Variants in TNRC6B observed in about 807,000 individuals in gnomAD.
The protein encoded by TNRC6B is trinucleotide repeat containing adaptor 6B.
In TNRC6B, 52 loss-of-function variants were observed where a neutral mutation model predicts 203.6. The ratio of observed to expected loss-of-function variants is 0.26; its 90% CI spans 0.20 to 0.32. The LOEUF (loss-of-function observed/expected upper bound fraction) is 0.32, where lower values mean the gene tolerates loss of function less well. TNRC6B is among the 10% of genes least tolerant of loss of function. TNRC6B has a pLI of 1.00. For missense variants in TNRC6B, 1,923 were observed against 2,286.2 expected (o/e 0.84, Z 3.24); for synonymous variants, 838 against 845.7 (o/e 0.99, Z 0.16).
At chr22:40,217,601 G>C (rs2069652187) in intron 1 of TNRC6B, among the ~76,000 whole-genome samples, 1 of 152,186 alleles carries the variant, frequency 6.6e-6, no homozygotes, top group Non-Finnish European at 1.5e-5. Context: ...TTAAAAAGTA[G>C]ACTATGCAGA....
rs2043995546 is a variant in TNRC6B at position 40,332,672 on chromosome 22, A to C, written c.*9431A>C. ...CTGTTAGATTGCCTTTAAACAAAAA[A>C]AACAACAAAAAAATAAAATCCTGAC... On this transcript the variant is annotated 3_prime_UTR_variant, in exon 23 of 23. Coordinates refer to ENST00000454349, the MANE Select transcript of TNRC6B (RefSeq NM_001162501.2). The C allele has an allele frequency of 6.6e-6, 1 of 152,536 alleles. No individual in the cohort carries two copies. Among genetic ancestry groups the C allele is most frequent in the Admixed American group, 6.5e-5 (1 of 15,282 alleles). The allele number at this position is 152,536 out of a possible 1,614,324, so 9.4% of individuals were successfully genotyped here.
At chr22:40,238,126 A>G (rs962237547) in intron 1 of TNRC6B, among the ~76,000 whole-genome samples, 1 of 152,108 alleles carries the variant, frequency 6.6e-6, no homozygotes, top group African/African-American at 2.4e-5. Flanking sequence ...TGGAGGCCCT[A>G]CTGTGTTTCT....
At chr22:40,226,908 A>AGTTTTT (rs891819823) in intron 1 of TNRC6B, among the ~76,000 whole-genome samples, 1 of 151,478 alleles carries the variant, frequency 6.6e-6, no homozygotes, top group Admixed American at 6.6e-5. Context: ...TAGAACCACT[A>AGTTTTT]GTTTTTGTTT....
chr22:40,246,334 T>C (rs5757891), intron 2 of TNRC6B: 278,257 of 278,282 alleles, frequency 1, 139,116 homozygotes, highest in Middle Eastern at 1. Context: ...GGATTACAGG[T>C]GCACGCCACC....
chr22:40,214,549 G>GTTTT (rs71735740), intron 1 of TNRC6B, among the ~76,000 whole-genome samples: 117 of 148,264 alleles, frequency 7.9e-4, no homozygotes, highest in African/African-American at 2.1e-3. Flanking sequence ...TCTTTCTGTG[G>GTTTT]TTTTTTTTTT....
intron 4 of TNRC6B, among the ~76,000 whole-genome samples, chr22:40,160,780 T>C (rs1486417757): frequency 6.6e-6 from 1 of 151,974 alleles, no homozygotes; most frequent in African/African-American, 2.4e-5. Flanking sequence ...CCGAGGCTGG[T>C]CTCAAACTCT....
chr22:40,208,129 A>C (rs1341644253), intron 1 of TNRC6B, among the ~76,000 whole-genome samples: 17 of 108,538 alleles, frequency 1.6e-4, no homozygotes, highest in East Asian at 6.7e-4. Context: ...AAAAAAAAAA[A>C]AAACAAAAAA....
chr22:40,086,110 A>G (rs1237349714), intron 1 of TNRC6B, among the ~76,000 whole-genome samples: 3 of 152,102 alleles, frequency 2.0e-5, no homozygotes, highest in Admixed American at 1.3e-4. Flanking sequence ...GGCTCAAGCA[A>G]TTCTACTGCC....
chr22:40,257,711 C>T (rs930118364), intron 3 of TNRC6B, among the ~76,000 whole-genome samples: 4 of 149,174 alleles, frequency 2.7e-5, no homozygotes, highest in Non-Finnish European at 5.9e-5. Context: ...AGCGAAACTC[C>T]GCCTCAAAAA....
At chr22:40,106,228 C>G (rs1204434038) in intron 1 of TNRC6B, 1 of 341,038 alleles carries the variant, frequency 2.9e-6, no homozygotes, top group East Asian at 5.8e-5. Flanking sequence ...TTCATTTTCT[C>G]GAGGTTGTCT....
At chr22:40,058,452 A>G (rs1427383512) in intron 1 of TNRC6B, among the ~76,000 whole-genome samples, 1 of 147,830 alleles carries the variant, frequency 6.8e-6, no homozygotes, top group Non-Finnish European at 1.5e-5. Context: ...GCTTTAGCAC[A>G]TTGTGGCGCC....
chr22:40,245,213 C>T (rs957983748), intron 1 of TNRC6B, among the ~76,000 whole-genome samples: 7 of 152,102 alleles, frequency 4.6e-5, no homozygotes, highest in Non-Finnish European at 1.0e-4. Flanking sequence ...GCCTCAGCCT[C>T]CCGAGTAGCT....
chr22:40,226,576 A>G (rs2069789019), intron 1 of TNRC6B, among the ~76,000 whole-genome samples: 1 of 152,164 alleles, frequency 6.6e-6, no homozygotes, highest in South Asian at 2.1e-4. Flanking sequence ...GTGTGCAAAA[A>G]TCACCTTCCT....
At chr22:40,300,640 TCTTTAGCTTTGATTTGCTTCCCA>T (rs2071010596) in intron 13 of TNRC6B, 54 bp downstream of exon 13, 7 of 1,565,840 alleles carry the variant, frequency 4.5e-6, no homozygotes, top group Non-Finnish European at 6.0e-6. Context: ...TTTTTTTTTT[TCTTTAGCTTTGATTTGCTTCCCA>T]CATCTTTGCC....
intron 4 of TNRC6B, among the ~76,000 whole-genome samples, chr22:40,172,088 C>T (rs1369102471): frequency 6.6e-6 from 1 of 151,980 alleles, no homozygotes; most frequent in East Asian, 1.9e-4. Context: ...CCATGTTGGC[C>T]AGGCTGGCCT....
At chr22:40,276,676 C>T (rs1439074236) in intron 7 of TNRC6B, among the ~76,000 whole-genome samples, 5 of 152,182 alleles carry the variant, frequency 3.3e-5, no homozygotes, top group Non-Finnish European at 5.9e-5. Flanking sequence ...GGCTCCTTTC[C>T]AAATGACACG....
At chr22:40,192,388 C>T (rs541174448) in intron 1 of TNRC6B, among the ~76,000 whole-genome samples, 100 of 152,198 alleles carry the variant, frequency 6.6e-4, no homozygotes, top group Non-Finnish European at 1.2e-3. Context: ...GAGGCTAAGG[C>T]GGGTGGATCA....
chr22:40,245,067 G>A (rs1432612819), intron 1 of TNRC6B, among the ~76,000 whole-genome samples: 1 of 141,802 alleles, frequency 7.1e-6, no homozygotes, highest in Admixed American at 7.3e-5. Flanking sequence ...TCACCCAATA[G>A]GACATACATT....
At chr22:40,201,735 A>T (rs902682452) in intron 1 of TNRC6B, among the ~76,000 whole-genome samples, 13 of 151,974 alleles carry the variant, frequency 8.6e-5, no homozygotes, top group African/African-American at 2.9e-4. Flanking sequence ...TCCATTTTCA[A>T]ATACAGGTTG....
Sources: allele counts gnomAD v4.1 joint callset (sites outside exome capture counted in the v4.1 genomes callset), GRCh38; gene constraint gnomAD v4.1.1; transcripts MANE v1.5; gene names NCBI Gene and HGNC (gene_info 2026-07-23, HGNC 2026-07-21).